Variants in SKAP2 observed in about 807,000 individuals in gnomAD.
SKAP2 encodes the protein src kinase associated phosphoprotein 2, also known as src kinase-associated phosphoprotein 2.
In SKAP2, 28 loss-of-function variants were observed where a neutral mutation model predicts 54.9. The ratio of observed to expected loss-of-function variants is 0.51; its 90% CI spans 0.38 to 0.70. The LOEUF (loss-of-function observed/expected upper bound fraction) is 0.70, where lower values mean the gene tolerates loss of function less well. SKAP2 is among the 30% of genes least tolerant of loss of function. The probability of loss-of-function intolerance (pLI) is 0.00; values close to 1 mark genes in which losing one functional copy is unlikely to be tolerated. For missense variants in SKAP2, 356 were observed against 424.1 expected (o/e 0.84, Z 1.41); for synonymous variants, 137 against 134.3 (o/e 1.02, Z -0.14).
intron 4 of SKAP2, among the ~76,000 whole-genome samples, chr7:26,785,238 G>C (rs1783517450): frequency 6.6e-6 from 1 of 152,062 alleles, no homozygotes; most frequent in Non-Finnish European, 1.5e-5. Context: ...CCAGGCTGGA[G>C]TGCAGTGGCG....
chr7:26,664,728 G>GAAA (rs372243207), downstream of SKAP2, among the ~76,000 whole-genome samples: 3 of 111,102 alleles, frequency 2.7e-5, no homozygotes, highest in Admixed American at 1.9e-4. Context: ...AAACTGAAAA[G>GAAA]AAAAAAAAAA....
At chr7:26,674,947 G>A (rs1239942854) in intron 11 of SKAP2, among the ~76,000 whole-genome samples, 3 of 152,222 alleles carry the variant, frequency 2.0e-5, no homozygotes, top group Non-Finnish European at 2.9e-5. Flanking sequence ...GATAATGTTA[G>A]GCAAAGAAGA....
intron 4 of SKAP2, among the ~76,000 whole-genome samples, chr7:26,785,172 C>A (rs1376548271): frequency 6.6e-6 from 1 of 151,896 alleles, no homozygotes. Context: ...CTTTAGGATC[C>A]TGTGAGGAAA....
intron 9 of SKAP2, among the ~76,000 whole-genome samples, chr7:26,692,504 G>A (rs936206508): frequency 2.6e-5 from 4 of 152,124 alleles, no homozygotes; most frequent in African/African-American, 4.8e-5. Flanking sequence ...GTACTTACAC[G>A]ACAAATAGAA....
rs549465854 is a variant in SKAP2, at chr7:26,667,793, C to A, written c.*1873G>T. ...CCTAGGACTAAAAACTTCTTTTCAA[C>A]CCAAAGCACAAACCCAAATCCACAA... On this transcript the variant is annotated 3_prime_UTR_variant, in exon 13 of 13. Coordinates refer to ENST00000345317, the MANE Select transcript of SKAP2 (RefSeq NM_003930.5). 1 of 152,556 alleles carries A rather than the reference C, an allele frequency of 6.6e-6. No homozygotes were observed. Among genetic ancestry groups the A allele is most frequent in the African/African-American group, 2.4e-5 (1 of 41,436 alleles). 9.5% of individuals were successfully genotyped at this position (152,556 alleles called of 1,614,324 possible).
chr7:26,742,125 C>A (rs1055935509), intron 4 of SKAP2, among the ~76,000 whole-genome samples: 1 of 151,858 alleles, frequency 6.6e-6, no homozygotes, highest in African/African-American at 2.4e-5. Context: ...GGATTTTGTA[C>A]ATAAAACAAA....
intron 4 of SKAP2, among the ~76,000 whole-genome samples, chr7:26,807,889 A>G (rs1270640319): frequency 2.0e-5 from 3 of 152,122 alleles, no homozygotes; most frequent in Admixed American, 2.0e-4. Flanking sequence ...TTTTAGCAAT[A>G]AAGTATTTTT....
the SKAP2 span, among the ~76,000 whole-genome samples, chr7:26,655,814 T>G: frequency 6.6e-6 from 1 of 152,210 alleles, no homozygotes; most frequent in African/African-American, 2.4e-5. Flanking sequence ...TGATGAATCT[T>G]TTAGCACAAC....
At chr7:26,823,298 C>T (rs1369233079) in intron 4 of SKAP2, among the ~76,000 whole-genome samples, 5 of 151,410 alleles carry the variant, frequency 3.3e-5, no homozygotes, top group Admixed American at 1.3e-4. Context: ...TGGTGGTGGG[C>T]GCCTGTAATC....
At chr7:26,778,350 G>T (rs943520732) in intron 4 of SKAP2, among the ~76,000 whole-genome samples, 2 of 152,026 alleles carry the variant, frequency 1.3e-5, no homozygotes, top group Non-Finnish European at 2.9e-5. Flanking sequence ...ATGACTAAAT[G>T]AAATAATTTA....
At chr7:26,756,700 T>C (rs144113787) in intron 4 of SKAP2, among the ~76,000 whole-genome samples, 11,732 of 152,268 alleles carry the variant, frequency 0.077, 575 homozygotes, top group Middle Eastern at 0.16. Context: ...TACCCAGTAA[T>C]GGGATGGCTG....
intron 12 of SKAP2, 73 bp downstream of exon 12, chr7:26,670,018 G>A: frequency 1.6e-6 from 1 of 644,532 alleles, no homozygotes; most frequent in Admixed American, 2.1e-5. Flanking sequence ...CTTTTAAAAA[G>A]GCAAAGACTC....
chr7:26,852,311 T>C (rs1434393845), intron 3 of SKAP2, among the ~76,000 whole-genome samples: 1 of 152,232 alleles, frequency 6.6e-6, no homozygotes, highest in African/African-American at 2.4e-5. Context: ...CTATTAGGTC[T>C]GTACCCTTTA....
intron 4 of SKAP2, among the ~76,000 whole-genome samples, chr7:26,754,400 GAA>G (rs59696790): frequency 0.014 from 1,947 of 135,300 alleles, 45 homozygotes; most frequent in African/African-American, 0.048. Context: ...TTCAAGATGT[GAA>G]AAAAAAAAAA....
chr7:26,810,200 T>C (rs1307139993), intron 4 of SKAP2, among the ~76,000 whole-genome samples: 1 of 152,096 alleles, frequency 6.6e-6, no homozygotes, highest in Non-Finnish European at 1.5e-5. Context: ...CCAGTCATTG[T>C]GGTACACCCT....
intron 9 of SKAP2, among the ~76,000 whole-genome samples, chr7:26,694,383 T>G (rs759658447): frequency 6.6e-6 from 1 of 152,056 alleles, no homozygotes; most frequent in African/African-American, 2.4e-5. Flanking sequence ...TTTACATGCC[T>G]CTCAGCTGCA....
intron 4 of SKAP2, among the ~76,000 whole-genome samples, chr7:26,754,151 G>A (rs1412696018): frequency 6.6e-6 from 1 of 152,008 alleles, no homozygotes; most frequent in Non-Finnish European, 1.5e-5. Flanking sequence ...ATCACTTGAG[G>A]TCAAGAGTTT....
At chr7:26,685,580 A>G (rs1002194498) in intron 10 of SKAP2, among the ~76,000 whole-genome samples, 2 of 152,192 alleles carry the variant, frequency 1.3e-5, no homozygotes, top group African/African-American at 4.8e-5. Flanking sequence ...CATACACTGG[A>G]GTATCAGCTC....
intron 4 of SKAP2, among the ~76,000 whole-genome samples, chr7:26,757,646 T>G (rs1014078022): frequency 1.3e-5 from 2 of 152,230 alleles, no homozygotes; most frequent in African/African-American, 4.8e-5. Flanking sequence ...AGGATTGACT[T>G]GGCAATGCGG....
Sources: gnomAD v4.1 joint callset for allele counts (sites outside exome capture counted in the v4.1 genomes callset) on GRCh38, gnomAD v4.1.1 for gene constraint, MANE v1.5 for transcripts, NCBI Gene and HGNC (gene_info 2026-07-23, HGNC 2026-07-21) for gene names.